Variants in KIAA1671 observed in about 807,000 individuals in gnomAD.
KIAA1671 encodes the protein uncharacterized protein KIAA1671.
Under a neutral mutation model 131.2 loss-of-function variants are expected in KIAA1671, and 52 were observed. The observed-to-expected ratio is 0.40, with a 90% confidence interval of 0.32 to 0.50. The LOEUF (loss-of-function observed/expected upper bound fraction) is 0.50. Ranked by LOEUF, KIAA1671 falls within the 20% of genes least tolerant of loss-of-function variation. The pLI, the probability that KIAA1671 is intolerant of heterozygous loss-of-function variation, is 0.73. For synonymous variants in KIAA1671, 1,003 were observed against 961.6 expected (o/e 1.04, Z -0.80); for missense variants, 2,360 against 2,364.2 (o/e 1.00, Z 0.04).
intron 11 of KIAA1671, among the ~76,000 whole-genome samples, chr22:25,188,029 G>C (rs1385323642): frequency 6.6e-6 from 1 of 152,186 alleles, no homozygotes; most frequent in Non-Finnish European, 1.5e-5. Context: ...GGCTGGGCAT[G>C]GTGGCTCACA....
chr22:25,043,943 G>C (rs1927080643), intron 5 of KIAA1671, among the ~76,000 whole-genome samples: 1 of 152,136 alleles, frequency 6.6e-6, no homozygotes, highest in Non-Finnish European at 1.5e-5. Context: ...GAGTTTTCTT[G>C]TCTGTAAAAG....
At chr22:25,078,740 G>A (rs1442409207) in intron 6 of KIAA1671, among the ~76,000 whole-genome samples, 1 of 152,154 alleles carries the variant, frequency 6.6e-6, no homozygotes, top group Non-Finnish European at 1.5e-5. Context: ...TCTCAGCAAT[G>A]TCTGTGGCTG....
At position 24,973,961 on chromosome 22, in the gene KIAA1671, C is replaced by T. The variant is rs149317930; in HGVS notation, c.-208+21189C>T. Among the ~76,000 whole-genome samples the T allele has an allele frequency of 2.3e-3, 350 of 152,220 alleles. 1 individual carries two copies. Among genetic ancestry groups the T allele is most frequent in the African/African-American group, 8.1e-3 (338 of 41,530 alleles). On this transcript the variant is annotated intron_variant, in intron 1 of 12. Coordinates refer to ENST00000358431, the MANE Select transcript of KIAA1671 (RefSeq NM_001145206.2). ...AGTAGCAAGCCGGTGCTGAATGTGC[C>T]GTGTAGACCCGGGCCTGGCTCTGCC...
intron 8 of KIAA1671, 89 bp downstream of exon 8, chr22:25,174,578 C>T: frequency 7.1e-7 from 1 of 1,416,136 alleles, no homozygotes; most frequent in South Asian, 1.5e-5. Context: ...ATCTGTGTGC[C>T]AGGGACCCTT....
intron 5 of KIAA1671, among the ~76,000 whole-genome samples, chr22:25,041,737 CTTTG>C (rs140464207): frequency 0.14 from 21,384 of 151,874 alleles, 1,548 homozygotes; most frequent in African/African-American, 0.16. Flanking sequence ...CCACCTGGTT[CTTTG>C]TTTGTTTATT....
At chr22:25,038,620 G>C in intron 4 of KIAA1671, 140 bp from the exon 5 acceptor site, 1 of 911,572 alleles carries the variant, frequency 1.1e-6, no homozygotes, top group Non-Finnish European at 1.6e-6. Flanking sequence ...CACCCACACT[G>C]GGTGTGTTCA....
rs547948622 is a variant in KIAA1671, at chr22:25,096,139, G to A, written c.4530+46775G>A. The stretch of plus-strand genomic sequence containing the variant: ...CTGAGGAATTCTGTTGTGTGTCCCC[G>A]GCCTTGTCAGATGAGGAGAGACCAT... On this transcript the variant is annotated intron_variant, in intron 6 of 12. Transcript: ENST00000358431. 7.9e-5 allele frequency among the ~76,000 whole-genome samples: 12 copies of A among 152,304 alleles called. No individual in the cohort carries two copies. In the South Asian group the frequency reaches 1.9e-3, roughly 24 times the overall value.
chr22:25,049,010 C>A, intron 5 of KIAA1671: 1 of 553,778 alleles, frequency 1.8e-6, no homozygotes, highest in East Asian at 3.1e-5. Context: ...TTGAGGCACC[C>A]ACCTGAGGTC....
intron 1 of KIAA1671, among the ~76,000 whole-genome samples, chr22:24,962,945 C>A (rs1443851673): frequency 1.3e-5 from 2 of 152,034 alleles, no homozygotes; most frequent in East Asian, 3.9e-4. Flanking sequence ...AGAAAAGAGT[C>A]ACGGGGAGCT....
intron 6 of KIAA1671, among the ~76,000 whole-genome samples, chr22:25,121,355 G>T: frequency 6.6e-6 from 1 of 152,068 alleles, no homozygotes; most frequent in Non-Finnish European, 1.5e-5. Flanking sequence ...CCAGCTGCTC[G>T]GGAGGCTGAG....
intron 6 of KIAA1671, among the ~76,000 whole-genome samples, chr22:25,103,133 G>A (rs942584483): frequency 3.3e-5 from 5 of 152,104 alleles, no homozygotes; most frequent in Admixed American, 1.3e-4. Context: ...GAAAGGCTTT[G>A]GGATCAGACA....
intron 6 of KIAA1671, among the ~76,000 whole-genome samples, chr22:25,074,077 C>T (rs796290138): frequency 2.0e-5 from 3 of 152,040 alleles, no homozygotes; most frequent in Admixed American, 2.0e-4. Flanking sequence ...TTTCTGTGCC[C>T]GGCTTATTTC....
At chr22:24,984,131 G>A (rs1054568098) in intron 1 of KIAA1671, among the ~76,000 whole-genome samples, 5 of 152,164 alleles carry the variant, frequency 3.3e-5, no homozygotes, top group Admixed American at 1.3e-4. Context: ...GGGACATTAT[G>A]TGGTTGCATT....
intron 1 of KIAA1671, among the ~76,000 whole-genome samples, chr22:24,981,746 A>G (rs1441008045): frequency 1.3e-5 from 2 of 152,198 alleles, no homozygotes; most frequent in African/African-American, 4.8e-5. Flanking sequence ...CATCTCTACA[A>G]AAAATAGAAA....
Position 25,040,222 on chromosome 22 carries a change from C to G in KIAA1671, c.3092C>G (p.Thr1031Ser). ...VEPKATFFAV[T>S]YQIPNTQKAK... The stretch of plus-strand genomic sequence containing the variant: ...CCCAAGGCGACATTTTTTGCAGTCA[C>G]CTATCAGATTCCCAATACTCAAAAG... The change falls in exon 5 of 13, where the codon ACC becomes AGC. Residue 1031 changes from threonine to serine, a missense_variant. Thr to Ser is a moderately conservative substitution (Grantham distance 58). Coordinates refer to ENST00000358431, the MANE Select transcript of KIAA1671 (RefSeq NM_001145206.2). 1 of 1,551,720 alleles carries G rather than the reference C, an allele frequency of 6.4e-7. No individual in the cohort carries two copies. Among genetic ancestry groups the G allele is most frequent in the Non-Finnish European group, 8.7e-7 (1 of 1,147,014 alleles).
chr22:25,115,783 T>C (rs1401886984), intron 6 of KIAA1671, among the ~76,000 whole-genome samples: 1 of 152,178 alleles, frequency 6.6e-6, no homozygotes, highest in East Asian at 1.9e-4. Context: ...TTTATTTTTA[T>C]TTATTTATTT....
chr22:25,027,930 G>C lies in KIAA1671; in HGVS notation c.-55-15G>C, dbSNP rs1290453898. ...GTTTTCCAAATTTACTTGTTTGTTT[G>C]TTTTGTTTGTTTAGCAATTGCTTCT... On this transcript the variant is annotated splice_polypyrimidine_tract_variant and intron_variant, in intron 2 of 12. Transcript: ENST00000358431. 1 of 1,204,826 alleles carries C rather than the reference G, an allele frequency of 8.3e-7. No individual in the cohort carries two copies. The highest frequency in any genetic ancestry group is 1.5e-5 in the African/African-American group (1 of 65,086). 74.6% of individuals were successfully genotyped at this position (1,204,826 alleles called of 1,614,324 possible).
chr22:25,067,666 G>A (rs1928552523), intron 6 of KIAA1671, among the ~76,000 whole-genome samples: 1 of 152,028 alleles, frequency 6.6e-6, no homozygotes, highest in African/African-American at 2.4e-5. Context: ...CATCCCGCCT[G>A]TCTCTGGCAT....
chr22:25,044,967 T>C (rs1602094556), intron 5 of KIAA1671, among the ~76,000 whole-genome samples: 1 of 152,162 alleles, frequency 6.6e-6, no homozygotes. Flanking sequence ...GAGACCATCC[T>C]GGCTAACACG....
Sources: allele counts gnomAD v4.1 joint callset (sites outside exome capture counted in the v4.1 genomes callset), GRCh38; gene constraint gnomAD v4.1.1; transcripts MANE v1.5; gene names NCBI Gene and HGNC (gene_info 2026-07-23, HGNC 2026-07-21).